Variants in CDC42BPA observed in about 807,000 individuals in gnomAD.
CDC42BPA encodes serine/threonine-protein kinase MRCK alpha.
In CDC42BPA, 80 loss-of-function variants were observed where a neutral mutation model predicts 223.5. That is an observed-to-expected ratio of 0.36 (90% CI 0.30 to 0.43). The LOEUF is 0.43. CDC42BPA is among the 20% of genes least tolerant of loss of function. CDC42BPA has a pLI of 1.00. For synonymous variants in CDC42BPA, 694 were observed against 718.6 expected (o/e 0.97, Z 0.55); for missense variants, 1,743 against 2,099.9 (o/e 0.83, Z 3.32).
chr1:227,122,606 A>C (rs490517), intron 11 of CDC42BPA, among the ~76,000 whole-genome samples: 1 of 152,176 alleles, frequency 6.6e-6, no homozygotes, highest in Admixed American at 6.5e-5. Flanking sequence ...ACTTTTCAAA[A>C]GTGAAAAAAG....
intron 1 of CDC42BPA, among the ~76,000 whole-genome samples, chr1:227,280,233 T>A (rs117587473): frequency 6.6e-6 from 1 of 152,238 alleles, no homozygotes; most frequent in Non-Finnish European, 1.5e-5. Context: ...AGAAGACGGA[T>A]AAGAATTTTG....
At chr1:227,235,791 C>T (rs545860296) in intron 2 of CDC42BPA, among the ~76,000 whole-genome samples, 1 of 152,290 alleles carries the variant, frequency 6.6e-6, no homozygotes, top group Admixed American at 6.5e-5. Context: ...AGAGCATCTC[C>T]AGAGAGTAAA....
At chr1:227,026,890 A>G (rs190225483) in intron 30 of CDC42BPA, among the ~76,000 whole-genome samples, 1 of 152,306 alleles carries the variant, frequency 6.6e-6, no homozygotes, top group East Asian at 1.9e-4. Context: ...TCATAGCTCA[A>G]GTGATCCTCC....
intron 14 of CDC42BPA, among the ~76,000 whole-genome samples, chr1:227,109,585 C>G (rs906551248): frequency 3.3e-5 from 5 of 152,068 alleles, no homozygotes. Context: ...AGGCTGGTCT[C>G]AAACTCCTGG....
At chr1:227,146,482 A>T (rs555203747) in intron 7 of CDC42BPA, among the ~76,000 whole-genome samples, 100 of 152,272 alleles carry the variant, frequency 6.6e-4, no homozygotes, top group African/African-American at 2.3e-3. Context: ...TTATACATGT[A>T]AAGCAACTAA....
intron 5 of CDC42BPA, among the ~76,000 whole-genome samples, chr1:227,177,152 G>T: frequency 6.7e-6 from 1 of 149,574 alleles, no homozygotes; most frequent in African/African-American, 2.5e-5. Flanking sequence ...TATATATACA[G>T]TATTTCATAT....
chr1:226,995,451 C>T (rs993187695), intron 35 of CDC42BPA, among the ~76,000 whole-genome samples: 1 of 152,200 alleles, frequency 6.6e-6, no homozygotes, highest in African/African-American at 2.4e-5. Flanking sequence ...ACATGGCACA[C>T]GGCAGGCTCA....
intron 2 of CDC42BPA, among the ~76,000 whole-genome samples, chr1:227,222,333 A>AC (rs1676074124): frequency 6.6e-6 from 1 of 151,742 alleles, no homozygotes; most frequent in South Asian, 2.1e-4. Context: ...ACTTGATGAA[A>AC]CCCCATCTCT....
intron 5 of CDC42BPA, among the ~76,000 whole-genome samples, chr1:227,189,022 A>C (rs1669289244): frequency 6.6e-6 from 1 of 152,064 alleles, no homozygotes; most frequent in Non-Finnish European, 1.5e-5. Context: ...AACTGCTCTA[A>C]ATAAGGAAGT....
At position 227,052,793 on chromosome 1, in the gene CDC42BPA, A is replaced by G. The variant is rs544241549; in HGVS notation, c.2905-808T>C. 3.3e-5 allele frequency among the ~76,000 whole-genome samples: 5 copies of G among 152,344 alleles called. No homozygotes were observed. In the South Asian group the frequency reaches 1.0e-3, roughly 32 times the overall value. ...AGTTTAAGAATTTAAACATGAACTT[A>G]TAATTATTTTCCTTTGTTCTTACTA... On this transcript the variant is annotated intron_variant, in intron 21 of 36. Coordinates refer to ENST00000366766, the MANE Select transcript of CDC42BPA (RefSeq NM_001394014.1).
intron 1 of CDC42BPA, among the ~76,000 whole-genome samples, chr1:227,278,001 G>C (rs61834287): frequency 6.6e-6 from 1 of 152,152 alleles, no homozygotes; most frequent in African/African-American, 2.4e-5. Flanking sequence ...CAGCCACCTC[G>C]GCCTTCCTAA....
At chr1:227,126,503 G>A (rs1410429009) in intron 11 of CDC42BPA, among the ~76,000 whole-genome samples, 7 of 102,312 alleles carry the variant, frequency 6.8e-5, no homozygotes, top group African/African-American at 2.2e-4. Flanking sequence ...AAGGAAGGAA[G>A]GAAGGAAGGA....
At chr1:227,261,947 A>C (rs1263802322) in intron 1 of CDC42BPA, among the ~76,000 whole-genome samples, 2 of 152,190 alleles carry the variant, frequency 1.3e-5, no homozygotes, top group African/African-American at 4.8e-5. Context: ...CCAAGAAATT[A>C]ATATTAAATC....
intron 12 of CDC42BPA, among the ~76,000 whole-genome samples, chr1:227,117,183 G>C (rs1687897745): frequency 6.6e-6 from 1 of 152,186 alleles, no homozygotes; most frequent in African/African-American, 2.4e-5. Flanking sequence ...TTTGCTGTAT[G>C]TAAGTAATAA....
At chr1:227,020,929 T>C (rs1398466152) in intron 32 of CDC42BPA, among the ~76,000 whole-genome samples, 1 of 152,148 alleles carries the variant, frequency 6.6e-6, no homozygotes, top group Non-Finnish European at 1.5e-5. Context: ...GCAGGGCTAT[T>C]AATTGGGCTA....
chr1:227,257,037 TATA>T (rs1572676505), intron 1 of CDC42BPA, among the ~76,000 whole-genome samples: 1 of 151,678 alleles, frequency 6.6e-6, no homozygotes, highest in East Asian at 1.9e-4. Flanking sequence ...TGATACGTGC[TATA>T]ATGTGGATAA....
At chr1:227,107,498 G>T (rs1050418857) in intron 14 of CDC42BPA, among the ~76,000 whole-genome samples, 1 of 152,166 alleles carries the variant, frequency 6.6e-6, no homozygotes, top group African/African-American at 2.4e-5. Flanking sequence ...ATGGCTCACT[G>T]AAGTCTCGAC....
At chr1:227,061,379 T>C (rs1675898271) in intron 21 of CDC42BPA, among the ~76,000 whole-genome samples, 1 of 152,214 alleles carries the variant, frequency 6.6e-6, no homozygotes, top group Admixed American at 6.5e-5. Context: ...TGAATTATTT[T>C]AATTCTCACA....
intron 1 of CDC42BPA, among the ~76,000 whole-genome samples, chr1:227,297,458 T>C (rs1045044224): frequency 6.6e-6 from 1 of 152,066 alleles, no homozygotes; most frequent in African/African-American, 2.4e-5. Context: ...GAGTTAAAAA[T>C]AGGGACTCAA....
Sources: gnomAD v4.1 joint callset for allele counts (sites outside exome capture counted in the v4.1 genomes callset) on GRCh38, gnomAD v4.1.1 for gene constraint, MANE v1.5 for transcripts, NCBI Gene and HGNC (gene_info 2026-07-23, HGNC 2026-07-21) for gene names.